Variants in COL2A1 observed in about 807,000 individuals in gnomAD.
The protein encoded by COL2A1 is collagen alpha-1(II) chain.
Under a neutral mutation model 204.5 loss-of-function variants are expected in COL2A1, and 28 were observed. The ratio of observed to expected loss-of-function variants is 0.14; its 90% CI spans 0.10 to 0.19. The LOEUF is 0.19. COL2A1 is among the 10% of genes least tolerant of loss of function. COL2A1 has a pLI of 1.00. For missense variants in COL2A1, 1,388 were observed against 2,027.5 expected (o/e 0.68, Z 6.06); for synonymous variants, 708 against 718.7 (o/e 0.99, Z 0.24).
chr12:47,993,471 G>T lies in COL2A1; in HGVS notation c.956C>A (p.Ser319Tyr). 1 of 1,613,378 alleles carries T rather than the reference G, an allele frequency of 6.2e-7. No homozygotes were observed. The highest frequency in any genetic ancestry group is 8.5e-7 in the Non-Finnish European group (1 of 1,179,328). ...GTCCATACTTACCATTGGGCCCGGA[G>T]ATCCGTTCTCACCCGGGGAACCACT... is the stretch of plus-strand genomic sequence containing the variant. ...GESGSPGENG[S>Y]PGPMGPRGLP... is the part of the protein sequence containing the mutation. The change falls in exon 15 of 54, where the codon TCT (serine) becomes TAT (tyrosine). Residue 319 changes from serine to tyrosine, a missense_variant. Around this residue, in one of 3 missense-constraint regions of COL2A1, gnomAD observed 884 missense variants for 1,415.8 expected, o/e 0.62. Transcript: ENST00000380518.
At position 47,978,341 on chromosome 12, in the gene COL2A1, G is replaced by A; in HGVS notation, c.2953C>T (p.Leu985=). 6.2e-7 allele frequency: 1 copy of A among 1,614,074 alleles called. No individual in the cohort carries two copies. Among genetic ancestry groups the A allele is most frequent in the Non-Finnish European group, 8.5e-7 (1 of 1,180,024 alleles). ...GLAGQRGIVG[L]PGQRGERGFP... The stretch of plus-strand genomic sequence containing the variant: ...CCTCTCTCACCACGTTGCCCAGGCA[G>A]ACCGACGATGCCTCTCTGACCAGCC... The change falls in exon 43 of 54, where the codon CTG becomes TTG. Residue 985 remains leucine (L), a synonymous_variant. Transcript: ENST00000380518. This position sits in a 1 kb window ranked among gnomAD's most constrained non-coding sequence, Gnocchi z 5.5.
rs1793959 is a variant in COL2A1, at chr12:47,996,297, T to C, written c.609+251A>G. On this transcript the variant is annotated intron_variant, in intron 8 of 53. Coordinates refer to ENST00000380518, the MANE Select transcript of COL2A1 (RefSeq NM_001844.5). ...TCATTCCAAGAGCAATAGCAACTGG[T>C]CTTCTAACAGATCAGCCTATATGCA... is the stretch of plus-strand genomic sequence containing the variant. Among the ~76,000 whole-genome samples, 142,861 of 152,302 alleles carry C rather than the reference T, an allele frequency of 0.94. 67,095 individuals are homozygous for C. The highest frequency in any genetic ancestry group is 1 in the East Asian group (5,179 of 5,196).
At position 47,982,596 on chromosome 12, in the gene COL2A1, G is replaced by T. The variant is rs764188748; in HGVS notation, c.2207C>A (p.Pro736Gln). The T allele has an allele frequency of 6.2e-7, 1 of 1,612,516 alleles. No individual in the cohort carries two copies. ...GTDGPKGASGPAGPPGAQGPP... is the reference protein window; with the variant it reads ...GTDGPKGASGQAGPPGAQGPP... ...GCCCTGAGCCCCAGGGGGGCCTGCT[G>T]GGCCAGATGCACCCTGGGGAGGGAG... Residue 736 changes from proline to glutamine, a missense_variant, in exon 34 of 54, where the codon CCA (proline) becomes CAA (glutamine). Pro to Gln is a moderately conservative substitution (Grantham distance 76). Transcript: ENST00000380518.
chr12:47,984,083 T>C lies in COL2A1; in HGVS notation c.1941+4A>G. The C allele has an allele frequency of 6.2e-7, 1 of 1,611,950 alleles. No individual in the cohort carries two copies. Among genetic ancestry groups the C allele is most frequent in the South Asian group, 1.1e-5 (1 of 90,614 alleles). ...CCACCTGGGGAGGCTGGGCAGGTAC[T>C]TACAGCAGGGCCAGGGGGTCCTGCA... On this transcript the variant is annotated splice_donor_region_variant and intron_variant, in intron 29 of 53. Coordinates refer to ENST00000380518, the MANE Select transcript of COL2A1 (RefSeq NM_001844.5).
intron 10 of COL2A1, 58 bp from the exon 11 acceptor site, chr12:47,995,366 T>C: frequency 7.0e-7 from 1 of 1,418,662 alleles, no homozygotes; most frequent in Non-Finnish European, 1.0e-6. Context: ...ACCTAAGCAA[T>C]GGACAAAACT....
intron 1 of COL2A1, among the ~76,000 whole-genome samples, chr12:48,000,754 T>C (rs1223095612): frequency 6.6e-6 from 1 of 152,206 alleles, no homozygotes; most frequent in African/African-American, 2.4e-5. Context: ...CTATTAGAAT[T>C]AGGATCTTGT....
At chr12:47,977,274 C>G (rs747661850) in intron 46 of COL2A1, 46 bp downstream of exon 46, 1 of 1,581,982 alleles carries the variant, frequency 6.3e-7, no homozygotes, top group East Asian at 2.2e-5. Flanking sequence ...TGCCTCAGCC[C>G]CACCGCGCAG....
In COL2A1 at chr12:47,994,156, C is replaced by T. The variant is rs554528930; in HGVS notation, c.817-109G>A. On this transcript the variant is annotated intron_variant, in intron 12 of 53. Coordinates refer to ENST00000380518, the MANE Select transcript of COL2A1 (RefSeq NM_001844.5). Reference sequence around the variant, plus strand: ...CCCTTGGGCCACCAGGGCGTTGTCTCGAATCCCCACACTTGGACAGCTCTT... The same window carrying T: ...CCCTTGGGCCACCAGGGCGTTGTCTTGAATCCCCACACTTGGACAGCTCTT... 2.2e-5 allele frequency: 27 copies of T among 1,252,566 alleles called. No individual in the cohort carries two copies. The South Asian group carries it at 2.9e-4, about 13-fold the overall frequency. The allele number at this position is 1,252,566 out of a possible 1,614,324, so 77.6% of individuals were successfully genotyped here. A position where few individuals can be genotyped will look rare whatever the true frequency, so the allele number is the denominator to read the frequency against.
chr12:47,974,652 A>G (rs1488445520), intron 52 of COL2A1, 23 bp downstream of exon 52: 1 of 1,613,418 alleles, frequency 6.2e-7, no homozygotes, highest in Non-Finnish European at 8.5e-7. Context: ...TCTGCTCATC[A>G]TCTAGGGCAC....
intron 29 of COL2A1, 110 bp downstream of exon 29, chr12:47,983,977 C>A: frequency 9.2e-7 from 1 of 1,085,926 alleles, no homozygotes. Context: ...GGTGTATCAG[C>A]TCAGCCCACA....
chr12:47,976,074 C>A lies in COL2A1; in HGVS notation c.3490-4G>T. On this transcript the variant is annotated splice_region_variant and splice_polypyrimidine_tract_variant and intron_variant, in intron 49 of 53. Transcript: ENST00000380518. The surrounding 1 kb of genome is among the most constrained non-coding windows in gnomAD (Gnocchi z 4.3). ...GACCGACGGGGCCAGGAGGACCCTG[C>A]AAGAGAGAGAGGTCGTGAGGAAAGA... 6.2e-7 allele frequency: 1 copy of A among 1,605,196 alleles called. No homozygotes were observed.
intron 2 of COL2A1, among the ~76,000 whole-genome samples, chr12:47,999,391 A>G (rs2136634140): frequency 6.6e-6 from 1 of 152,346 alleles, no homozygotes; most frequent in Middle Eastern, 3.4e-3. Flanking sequence ...CAACTCCAAG[A>G]GAGGTAATAG....
intron 1 of COL2A1, 58 bp downstream of exon 1, chr12:48,004,179 A>C: frequency 7.8e-7 from 1 of 1,275,972 alleles, no homozygotes; most frequent in Non-Finnish European, 1.1e-6. Context: ...GCCGGGGAGA[A>C]GGATGCTGAG....
intron 30 of COL2A1, 64 bp downstream of exon 30, chr12:47,983,619 T>C (rs1372432612): frequency 1.3e-6 from 2 of 1,543,646 alleles, no homozygotes; most frequent in South Asian, 1.2e-5. Flanking sequence ...TAGTGCCTGC[T>C]GCTGTCCCAG....
Position 47,993,868 on chromosome 12 carries a change from G to A in COL2A1, c.871-6C>T, listed in dbSNP as rs1040791693. The A allele has an allele frequency of 3.7e-6, 6 of 1,614,008 alleles. No homozygotes were observed. In the Admixed American group the frequency reaches 8.3e-5, roughly 22 times the overall value. On this transcript the variant is annotated splice_region_variant and splice_polypyrimidine_tract_variant and intron_variant, in intron 13 of 53. Transcript: ENST00000380518. Reference sequence around the variant, plus strand: ...CCGTCCAGGCCTGGATAACCCTAGGGAACAAGAGAAAATGTTCAATCAGAC... The same window carrying A: ...CCGTCCAGGCCTGGATAACCCTAGGAAACAAGAGAAAATGTTCAATCAGAC...
chr12:47,979,702 G>T, intron 40 of COL2A1, 138 bp from the exon 41 acceptor site: 1 of 841,328 alleles, frequency 1.2e-6, no homozygotes, highest in East Asian at 2.7e-5. Flanking sequence ...GGGATCCAGG[G>T]AGGGAGAAAG....
chr12:47,982,230 C>G (rs1026889933), intron 34 of COL2A1, 70 bp from the exon 35 acceptor site: 15 of 1,403,258 alleles, frequency 1.1e-5, no homozygotes, highest in Non-Finnish European at 1.4e-5. Context: ...CAGTCCCACC[C>G]AGGCTGGGGT....
At position 47,974,837 on chromosome 12, in the gene COL2A1, T is replaced by C. The variant is rs1398586187; in HGVS notation, c.3912A>G (p.Gln1304=). 6.2e-7 allele frequency: 1 copy of C among 1,614,136 alleles called. No individual in the cohort carries two copies. The highest frequency in any genetic ancestry group is 1.7e-5 in the Admixed American group (1 of 60,026). Residue 1304 remains glutamine (Q), a synonymous_variant, in exon 52 of 54, where the codon CAA becomes CAG. Transcript: ENST00000380518. ...CCTTCATGGCGTCCAAGGTGCAGCC[T>C]TGGTTGGGGTCAATCCAGTAGTCTC... ...KSGDYWIDPN[Q]GCTLDAMKVF...
At chr12:47,979,459 G>C in intron 41 of COL2A1, 52 bp downstream of exon 41, 1 of 1,591,804 alleles carries the variant, frequency 6.3e-7, no homozygotes, top group East Asian at 2.2e-5. Flanking sequence ...TGGGTGCTGG[G>C]CCAGGCTATT....
Sources: allele counts gnomAD v4.1 joint callset (sites outside exome capture counted in the v4.1 genomes callset), GRCh38; gene constraint gnomAD v4.1.1; regional missense constraint gnomAD v4.1.1; non-coding constraint Gnocchi (gnomAD v3.1); transcripts MANE v1.5; gene names NCBI Gene and HGNC (gene_info 2026-07-23, HGNC 2026-07-21).